NPTXR: variants seen among roughly 807,000 people sequenced by gnomAD.
NPTXR encodes the protein neuronal pentraxin receptor.
A neutral mutation model predicts 32.2 loss-of-function variants in NPTXR; 12 were observed. That is an observed-to-expected ratio of 0.37 (90% CI 0.24 to 0.60). The LOEUF is 0.60. Among genes scored for constraint, NPTXR ranks in the 20% least tolerant of loss-of-function variants. NPTXR has a pLI of 0.66. For missense variants in NPTXR, 612 were observed against 682.9 expected (o/e 0.90, Z 1.16); for synonymous variants, 323 against 315.8 (o/e 1.02, Z -0.24).
chr22:38,837,258 GT>G (rs1353763353), intron 1 of NPTXR, among the ~76,000 whole-genome samples: 14 of 152,336 alleles, frequency 9.2e-5, no homozygotes, highest in African/African-American at 3.1e-4. Context: ...CCAGGAACAT[GT>G]TCCACACTGC....
chr22:38,828,575 A>AGAT, intron 1 of NPTXR, 63 bp from the exon 2 acceptor site: 2 of 1,362,716 alleles, frequency 1.5e-6, no homozygotes, highest in Non-Finnish European at 2.0e-6. Context: ...GGGAACACTC[A>AGAT]GATGCCTACC....
At chr22:38,825,041 G>A (rs1026576717) in intron 3 of NPTXR, among the ~76,000 whole-genome samples, 2 of 152,234 alleles carry the variant, frequency 1.3e-5, no homozygotes, top group African/African-American at 4.8e-5. Context: ...CACCATGCCT[G>A]CAAGGCCCAA....
rs201820631 is a variant in NPTXR, at chr22:38,826,497, T to C, written c.1098+3A>G. The C allele has an allele frequency of 1.3e-5, 21 of 1,600,472 alleles. No individual in the cohort carries two copies. The African/African-American group carries it at 2.1e-4, about 16-fold the overall frequency. On this transcript the variant is annotated splice_donor_region_variant and intron_variant, in intron 3 of 4. Transcript: ENST00000333039. ...GCCAGCCCTCCCTGCCAGCCCTGCC[T>C]ACCTTGTCGTTGATCAGCAGCTCCA...
rs1487833364 is a variant in NPTXR, at chr22:38,820,320, G to C, written c.*2289C>G. ...ATTTATGTTCTCGAAATGGAAAGCA[G>C]GATCTGGGCGCGGGAGGCAATGCAA... is the stretch of plus-strand genomic sequence containing the variant. On this transcript the variant is annotated 3_prime_UTR_variant, in exon 5 of 5. Coordinates refer to ENST00000333039, the MANE Select transcript of NPTXR (RefSeq NM_014293.4). 6.6e-5 allele frequency: 10 copies of C among 152,662 alleles called. 1 individual carries two copies. The highest frequency in any genetic ancestry group is 5.9e-4 in the Admixed American group (9 of 15,284). 9.5% of individuals were successfully genotyped at this position (152,662 alleles called of 1,614,324 possible).
intron 2 of NPTXR, 148 bp downstream of exon 2, chr22:38,828,139 C>A (rs2093110279): frequency 3.1e-6 from 2 of 638,280 alleles, no homozygotes; most frequent in Non-Finnish European, 5.5e-6. Flanking sequence ...CAATATCCCC[C>A]AATGATTCTC....
intron 1 of NPTXR, among the ~76,000 whole-genome samples, chr22:38,832,664 G>A (rs1315972349): frequency 3.3e-5 from 5 of 152,222 alleles, no homozygotes; most frequent in East Asian, 1.9e-4. Context: ...CAGAGATGAG[G>A]GAACTGAGGC....
Position 38,826,697 on chromosome 22 carries a change from G to T in NPTXR, c.901C>A (p.Arg301Ser), listed in dbSNP as rs755394676. ...ACGCGGGCGTACATGTAGTTGTTAC[G>T]GATGGGGATGCTGATCTTGAAGGCA... Residue 301 changes from arginine (R) to serine (S), a missense_variant, in exon 3 of 5, where the codon CGT becomes AGT. By Grantham distance (110) the Arg-to-Ser change is moderately radical. Coordinates refer to ENST00000333039, the MANE Select transcript of NPTXR (RefSeq NM_014293.4). 2 of 1,614,124 alleles carry T rather than the reference G, an allele frequency of 1.2e-6. No homozygotes were observed. Among genetic ancestry groups the T allele is most frequent in the Non-Finnish European group, 1.7e-6 (2 of 1,180,048 alleles).
At chr22:38,828,060 A>G (rs1245195875) in intron 2 of NPTXR, among the ~76,000 whole-genome samples, 1 of 152,218 alleles carries the variant, frequency 6.6e-6, no homozygotes, top group African/African-American at 2.4e-5. Context: ...TGTATCAAGT[A>G]CTTAGCCCAC....
chr22:38,822,880 G>A, intron 4 of NPTXR, 47 bp from the exon 5 acceptor site: 2 of 1,562,438 alleles, frequency 1.3e-6, no homozygotes, highest in Non-Finnish European at 1.8e-6. Flanking sequence ...GAGTGAGGGA[G>A]CAGAAAAGAC....
At chr22:38,838,431 A>G (rs2093127281) in intron 1 of NPTXR, among the ~76,000 whole-genome samples, 1 of 152,056 alleles carries the variant, frequency 6.6e-6, no homozygotes. Context: ...AGCAGCAGTG[A>G]AGGTCTTGCA....
At chr22:38,826,437 G>A in intron 3 of NPTXR, 63 bp downstream of exon 3, 1 of 1,542,612 alleles carries the variant, frequency 6.5e-7, no homozygotes, top group Non-Finnish European at 8.8e-7. Context: ...AGCCCAGTGT[G>A]GAGTGGGTGC....
chr22:38,838,393 A>G (rs547116724), intron 1 of NPTXR, among the ~76,000 whole-genome samples: 9 of 151,908 alleles, frequency 5.9e-5, no homozygotes, highest in Non-Finnish European at 1.2e-4. Flanking sequence ...TAAGTGTCTA[A>G]TAAGTGTTAG....
At position 38,834,719 on chromosome 22, in the gene NPTXR, G is replaced by A. The variant is rs1344805631; in HGVS notation, c.625-6207C>T. The stretch of plus-strand genomic sequence containing the variant: ...AGGCCAGCGTCATTTTCAGTTCCTT[G>A]CTTACTAGATCTGCGACCTTGGGCA... On this transcript the variant is annotated intron_variant, in intron 1 of 4. Coordinates refer to ENST00000333039, the MANE Select transcript of NPTXR (RefSeq NM_014293.4). The surrounding 1 kb of genome is among the most constrained non-coding windows in gnomAD (Gnocchi z 4.4). 3.3e-5 allele frequency among the ~76,000 whole-genome samples: 5 copies of A among 152,054 alleles called. No homozygotes were observed. Among genetic ancestry groups the A allele is most frequent in the Non-Finnish European group, 7.4e-5 (5 of 68,026 alleles).
At chr22:38,839,076 T>C (rs926046996) in intron 1 of NPTXR, among the ~76,000 whole-genome samples, 1 of 152,200 alleles carries the variant, frequency 6.6e-6, no homozygotes, top group African/African-American at 2.4e-5. Flanking sequence ...TTAAATAAGA[T>C]AATGCACTGT....
rs1262856524 is a variant in NPTXR at position 38,820,884 on chromosome 22, C to T, written c.*1725G>A. 6.6e-6 allele frequency: 1 copy of T among 152,306 alleles called. No individual in the cohort carries two copies. Among genetic ancestry groups the T allele is most frequent in the Admixed American group, 6.5e-5 (1 of 15,280 alleles). 9.4% of individuals were successfully genotyped at this position (152,306 alleles called of 1,614,324 possible). A position where few individuals can be genotyped will look rare whatever the true frequency, so the allele number is the denominator to read the frequency against. On this transcript the variant is annotated 3_prime_UTR_variant, in exon 5 of 5. Transcript: ENST00000333039. ...TGTGGTGCCAGATGGGGTGGCTTTT[C>T]TCATCTTTAAGATTATTATTATTTT...
chr22:38,827,727 G>A (rs992890947), intron 2 of NPTXR, among the ~76,000 whole-genome samples: 1 of 152,194 alleles, frequency 6.6e-6, no homozygotes, highest in Non-Finnish European at 1.5e-5. Flanking sequence ...ACTGAGGCCT[G>A]GGGAAGGAAG....
rs371378883 is a variant in NPTXR at position 38,822,817 on chromosome 22, C to A, written c.1295G>T (p.Arg432Leu). ...GACAAAGGCCTGGGTGGCATCAAAC[C>A]GGCCACCCAGGGTATCCTGGGCCAA... Residue 432 changes from arginine (R) to leucine (L), a missense_variant, in exon 5 of 5, where the codon CGG (arginine) becomes CTG (leucine). By Grantham distance (102) the Arg-to-Leu change is moderately radical. Coordinates refer to ENST00000333039, the MANE Select transcript of NPTXR (RefSeq NM_014293.4). 1.2e-6 allele frequency: 2 copies of A among 1,613,760 alleles called. No individual in the cohort carries two copies. Among genetic ancestry groups the A allele is most frequent in the South Asian group, 1.1e-5 (1 of 91,022 alleles).
intron 1 of NPTXR, among the ~76,000 whole-genome samples, chr22:38,842,866 G>A (rs906504790): frequency 6.6e-6 from 1 of 152,230 alleles, no homozygotes; most frequent in South Asian, 2.1e-4. Flanking sequence ...AGAAGGAAAT[G>A]AAAGGGACAT....
At position 38,826,576 on chromosome 22, in the gene NPTXR, GAGT is replaced by G; in HGVS notation, c.1019_1021del (p.Tyr340del). The G allele has an allele frequency of 6.2e-7, 1 of 1,614,242 alleles. No individual in the cohort carries two copies. The highest frequency in any genetic ancestry group is 8.5e-7 in the Non-Finnish European group (1 of 1,180,044). On this transcript the variant is annotated inframe_deletion, in exon 3 of 5. Transcript: ENST00000333039. ...AATCTCGTTGGCCTGCCCGGGCACT[GAGT>G]AGGAGAAGGGGGTGCCCTGGCCGGT...
Sources: allele counts gnomAD v4.1 joint callset (sites outside exome capture counted in the v4.1 genomes callset), GRCh38; gene constraint gnomAD v4.1.1; non-coding constraint Gnocchi (gnomAD v3.1); transcripts MANE v1.5; gene names NCBI Gene and HGNC (gene_info 2026-07-23, HGNC 2026-07-21).